IQCM: variants seen among roughly 807,000 people sequenced by gnomAD.
IQCM encodes the protein IQ domain-containing protein M.
A neutral mutation model predicts 57.6 loss-of-function variants in IQCM; 45 were observed. The ratio of observed to expected loss-of-function variants is 0.78; its 90% CI spans 0.62 to 1.00. IQCM has a LOEUF of 1.00. IQCM is among the 50% of genes least tolerant of loss of function. The pLI, the probability that IQCM is intolerant of heterozygous loss-of-function variation, is 0.00. For missense variants in IQCM, 468 were observed against 511.6 expected, an observed-to-expected ratio of 0.91 and a Z score of 0.82; for synonymous variants, 148 against 158.9, an observed-to-expected ratio of 0.93 and a Z score of 0.51.
intron 13 of IQCM, among the ~76,000 whole-genome samples, chr4:149,355,474 A>T (rs1266787637): frequency 7.3e-6 from 1 of 137,084 alleles, no homozygotes; most frequent in Non-Finnish European, 1.5e-5. Flanking sequence ...ATTCCCACCT[A>T]TGACTGAGAA....
At chr4:149,586,104 A>G (rs1752623001) in intron 9 of IQCM, among the ~76,000 whole-genome samples, 1 of 151,802 alleles carries the variant, frequency 6.6e-6, no homozygotes, top group African/African-American at 2.4e-5. Context: ...TCTGTAAGGA[A>G]AAAAGGCTTC....
intron 7 of IQCM, among the ~76,000 whole-genome samples, chr4:149,674,163 T>A (rs1008056832): frequency 2.0e-5 from 3 of 152,160 alleles, no homozygotes; most frequent in African/African-American, 7.2e-5. Context: ...TTCCGGTGTA[T>A]TTTTTATTAA....
chr4:149,601,070 A>T (rs1754234813), intron 8 of IQCM, among the ~76,000 whole-genome samples: 1 of 152,182 alleles, frequency 6.6e-6, no homozygotes, highest in East Asian at 1.9e-4. Context: ...CCTCGTACAC[A>T]TTGTCACTAC....
chr4:149,442,287 T>A (rs1736018970), intron 12 of IQCM, among the ~76,000 whole-genome samples: 1 of 152,104 alleles, frequency 6.6e-6, no homozygotes, highest in East Asian at 1.9e-4. Flanking sequence ...AATCTTCATT[T>A]TAGCATTTTT....
intron 12 of IQCM, among the ~76,000 whole-genome samples, chr4:149,537,310 A>AGTTC (rs1747393246): frequency 6.6e-6 from 1 of 151,942 alleles, no homozygotes; most frequent in Non-Finnish European, 1.5e-5. Flanking sequence ...GAGTTGAAAA[A>AGTTC]TACAGTAATG....
At chr4:149,405,693 G>T (rs1226175038) in intron 13 of IQCM, among the ~76,000 whole-genome samples, 3 of 151,588 alleles carry the variant, frequency 2.0e-5, no homozygotes, top group Non-Finnish European at 4.4e-5. Context: ...GCTCTGAATA[G>T]CTTCTGAAAT....
At position 149,519,449 on chromosome 4, in the gene IQCM, G is replaced by A. The variant is rs1278301857; in HGVS notation, c.1228+29006C>T. ...ATCCTGGCTAACACAGTGAAACCCC[G>A]TCTCTACTAAAAATACAAAAAAATT... On this transcript the variant is annotated intron_variant, in intron 12 of 13. Coordinates refer to ENST00000636793, the MANE Select transcript of IQCM (RefSeq NM_001363507.2). 2.6e-5 allele frequency among the ~76,000 whole-genome samples: 4 copies of A among 151,860 alleles called. 1 individual carries two copies. The highest frequency in any genetic ancestry group is 5.9e-5 in the Non-Finnish European group (4 of 67,986).
At chr4:149,676,367 G>A (rs1296822549) in intron 7 of IQCM, among the ~76,000 whole-genome samples, 1 of 152,050 alleles carries the variant, frequency 6.6e-6, no homozygotes, top group African/African-American at 2.4e-5. Context: ...TTTAGGACAG[G>A]ACCAAAGCTA....
In IQCM at chr4:149,446,160, CT is replaced by C. The variant is rs575219874; in HGVS notation, c.1229-12604del. Among the ~76,000 whole-genome samples, 68 of 151,556 alleles carry C rather than the reference CT, an allele frequency of 4.5e-4. 2 individuals carry two copies. The highest frequency in any genetic ancestry group is 1.5e-3 in the African/African-American group (63 of 41,438). On this transcript the variant is annotated intron_variant, in intron 12 of 13. Transcript: ENST00000636793. The stretch of plus-strand genomic sequence containing the variant: ...AAAATACTAAAAATATAGTTCAAAG[CT>C]TTTTTTTCTTTTATTAGTTGTCCTG...
chr4:149,574,222 C>T (rs1181900952), intron 9 of IQCM, among the ~76,000 whole-genome samples: 1 of 151,872 alleles, frequency 6.6e-6, no homozygotes, highest in Non-Finnish European at 1.5e-5. Flanking sequence ...TCTTTGCTTA[C>T]CCTCCAAATG....
intron 8 of IQCM, among the ~76,000 whole-genome samples, chr4:149,596,059 C>CA (rs1209588247): frequency 6.6e-6 from 1 of 151,972 alleles, no homozygotes; most frequent in Non-Finnish European, 1.5e-5. Flanking sequence ...TTAACCTTCA[C>CA]AAAAAATTAA....
At chr4:149,520,881 T>C (rs1313171908) in intron 12 of IQCM, among the ~76,000 whole-genome samples, 2 of 152,094 alleles carry the variant, frequency 1.3e-5, no homozygotes, top group African/African-American at 4.8e-5. Flanking sequence ...TCCTATCTCA[T>C]ATGCCCAATA....
At chr4:149,534,108 A>C (rs1005551387) in intron 12 of IQCM, among the ~76,000 whole-genome samples, 10 of 152,138 alleles carry the variant, frequency 6.6e-5, no homozygotes, top group African/African-American at 2.4e-4. Flanking sequence ...TCTTACTTTA[A>C]AAATCTAGGT....
intron 12 of IQCM, among the ~76,000 whole-genome samples, chr4:149,438,845 C>A (rs1283226153): frequency 6.6e-6 from 1 of 151,768 alleles, no homozygotes; most frequent in Non-Finnish European, 1.5e-5. Context: ...AATGATATGC[C>A]AATAAATAAT....
rs75339824 is a variant in IQCM, at chr4:149,459,705, G to A, written c.1229-26148C>T. 9.4e-3 allele frequency among the ~76,000 whole-genome samples: 1,436 copies of A among 152,100 alleles called. 16 individuals are homozygous for A. Among genetic ancestry groups the A allele is most frequent in the African/African-American group, 0.033 (1,364 of 41,496 alleles). On this transcript the variant is annotated intron_variant, in intron 12 of 13. Transcript: ENST00000636793. Reference sequence around the variant, plus strand: ...CTTATACAGAATCTGTCTGTGATTGGCTTATTTCACATAGCATAATGTCCT... The same window carrying A: ...CTTATACAGAATCTGTCTGTGATTGACTTATTTCACATAGCATAATGTCCT...
chr4:149,450,495 G>T (rs1279915104), intron 12 of IQCM, among the ~76,000 whole-genome samples: 12 of 151,552 alleles, frequency 7.9e-5, no homozygotes. Flanking sequence ...AATACACAAT[G>T]GGCTCAAACT....
chr4:149,571,185 T>G lies in IQCM; in HGVS notation c.750-7295A>C, dbSNP rs186808179. Among the ~76,000 whole-genome samples, 1,437 of 152,192 alleles carry G rather than the reference T, an allele frequency of 9.4e-3. 8 individuals carry two copies. The highest frequency in any genetic ancestry group is 0.016 in the Non-Finnish European group (1,067 of 67,964). ...ATGAAATCAGTTTGTCAGAGATAAC[T>G]GCACCACCGTGCTCACTGCACCATT... is the stretch of plus-strand genomic sequence containing the variant. On this transcript the variant is annotated intron_variant, in intron 9 of 13. Transcript: ENST00000636793.
At chr4:149,666,577 A>G (rs1212246218) in intron 7 of IQCM, among the ~76,000 whole-genome samples, 1 of 152,038 alleles carries the variant, frequency 6.6e-6, no homozygotes, top group Non-Finnish European at 1.5e-5. Context: ...AGCAAGACAG[A>G]ACCGTTTACT....
At chr4:149,403,048 T>C (rs978637616) in intron 13 of IQCM, among the ~76,000 whole-genome samples, 48 of 152,010 alleles carry the variant, frequency 3.2e-4, no homozygotes, top group African/African-American at 1.1e-3. Context: ...AATCCTCAGA[T>C]GTCATTCGTA....
Sources: allele counts gnomAD v4.1 joint callset (sites outside exome capture counted in the v4.1 genomes callset), GRCh38; gene constraint gnomAD v4.1.1; transcripts MANE v1.5; gene names NCBI Gene and HGNC (gene_info 2026-07-23, HGNC 2026-07-21).